Variants in CD47 observed in about 807,000 individuals in gnomAD.
The protein encoded by CD47 is leukocyte surface antigen CD47.
In CD47, 11 loss-of-function variants were observed where a neutral mutation model predicts 44.6. The ratio of observed to expected loss-of-function variants is 0.25; its 90% CI spans 0.16 to 0.41. CD47 has a LOEUF of 0.41. CD47 is among the 10% of genes least tolerant of loss of function. CD47 has a pLI of 1.00. For missense variants in CD47, 306 were observed against 386.7 expected (o/e 0.79, Z 1.75); for synonymous variants, 140 against 136.3 (o/e 1.03, Z -0.19).
Position 108,060,836 on chromosome 3 carries a change from G to A in CD47, c.507C>T (p.Ser169=), listed in dbSNP as rs746135896. The change falls in exon 4 of 11, where the codon TCC becomes TCT. Residue 169 remains serine, a synonymous_variant. Transcript: ENST00000361309. ...CAATTGTTTTCTCATCCATACCACC[G>A]GATCTATATTTAAGTGCTTAAAAAA... ...QFGIKTLKYR[S]GGMDEKTIAL... is the part of the protein sequence containing the mutation. 1.4e-5 allele frequency: 23 copies of A among 1,608,942 alleles called. No individual in the cohort carries two copies. Among genetic ancestry groups the A allele is most frequent in the Admixed American group, 6.7e-5 (4 of 59,952 alleles).
At position 108,049,613 on chromosome 3, in the gene CD47, A is replaced by G. The variant is rs2078787950; in HGVS notation, c.967+6T>C. The G allele has an allele frequency of 6.4e-7, 1 of 1,556,584 alleles. No homozygotes were observed. Among genetic ancestry groups the G allele is most frequent in the East Asian group, 2.2e-5 (1 of 44,608 alleles). On this transcript the variant is annotated splice_donor_region_variant and intron_variant, in intron 10 of 10. Coordinates refer to ENST00000361309, the MANE Select transcript of CD47 (RefSeq NM_001777.4). The stretch of plus-strand genomic sequence containing the variant: ...TCTATAATTATTAAGTGCATTTTAT[A>G]CTTACCATCATTCATCATTCCTTTT...
At chr3:108,058,565 G>A (rs2078957446) in intron 5 of CD47, 136 bp from the exon 6 acceptor site, 3 of 552,314 alleles carry the variant, frequency 5.4e-6, no homozygotes, top group Admixed American at 3.7e-5. Flanking sequence ...GACGGTAGAT[G>A]TTAACTCAGT....
chr3:108,062,843 A>C, intron 3 of CD47, among the ~76,000 whole-genome samples: 1 of 144,376 alleles, frequency 6.9e-6, no homozygotes, highest in East Asian at 2.0e-4. Context: ...TTTAGTAGAG[A>C]CGGGGTTTCA....
At chr3:108,068,867 T>C (rs965955386) in intron 3 of CD47, among the ~76,000 whole-genome samples, 1 of 152,156 alleles carries the variant, frequency 6.6e-6, no homozygotes, top group Non-Finnish European at 1.5e-5. Context: ...ACCTCTTCCA[T>C]GCACATACAC....
chr3:108,082,599 A>T (rs2079439682), intron 1 of CD47, among the ~76,000 whole-genome samples: 2 of 152,100 alleles, frequency 1.3e-5, no homozygotes, highest in East Asian at 3.9e-4. Flanking sequence ...TTGACTTTCA[A>T]GAGATTATTC....
intron 6 of CD47, among the ~76,000 whole-genome samples, chr3:108,057,994 T>G (rs898458488): frequency 2.0e-5 from 3 of 152,202 alleles, no homozygotes; most frequent in African/African-American, 2.4e-5. Context: ...TGCTAAATGC[T>G]GTCAAGTATA....
In CD47 at chr3:108,046,554, G is replaced by C. The variant is rs943587723; in HGVS notation, c.*734C>G. ...TGTACAGCAGAAGCAAGTAACAGGA[G>C]GACAAGACAGGGTTTCAAGGGGTTA... On this transcript the variant is annotated 3_prime_UTR_variant, in exon 11 of 11. Transcript: ENST00000361309. 2 of 152,498 alleles carry C rather than the reference G, an allele frequency of 1.3e-5. No individual in the cohort carries two copies. The highest frequency in any genetic ancestry group is 2.9e-5 in the Non-Finnish European group (2 of 68,024). 9.4% of individuals were successfully genotyped at this position (152,498 alleles called of 1,614,324 possible).
intron 1 of CD47, among the ~76,000 whole-genome samples, chr3:108,084,796 G>A (rs920861734): frequency 1.3e-5 from 2 of 151,972 alleles, no homozygotes; most frequent in Non-Finnish European, 2.9e-5. Context: ...ATTCTTAGTA[G>A]GTTCAACCTA....
chr3:108,069,961 T>C (rs1016143582), intron 3 of CD47, among the ~76,000 whole-genome samples: 1 of 152,202 alleles, frequency 6.6e-6, no homozygotes, highest in South Asian at 2.1e-4. Context: ...GTAAAAGTTA[T>C]AAAATGTCTT....
chr3:108,087,413 G>A (rs1163494520), intron 1 of CD47, among the ~76,000 whole-genome samples: 1 of 152,146 alleles, frequency 6.6e-6, no homozygotes, highest in African/African-American at 2.4e-5. Context: ...GGGCAGGGCA[G>A]TTTAAAGTCA....
intron 1 of CD47, among the ~76,000 whole-genome samples, chr3:108,087,405 G>A (rs918648778): frequency 1.3e-4 from 20 of 152,102 alleles, no homozygotes; most frequent in African/African-American, 4.8e-4. Context: ...ATTAAAAAGG[G>A]CAGGGCAGTT....
chr3:108,085,535 A>T (rs1252027895), intron 1 of CD47, among the ~76,000 whole-genome samples: 1 of 152,162 alleles, frequency 6.6e-6, no homozygotes, highest in Admixed American at 6.5e-5. Context: ...ACTAAAGCAC[A>T]GTTGAGTTGT....
Position 108,043,381 on chromosome 3 carries a change from C to A in CD47, c.*3907G>T, listed in dbSNP as rs1240200320. On this transcript the variant is annotated 3_prime_UTR_variant, in exon 11 of 11. Transcript: ENST00000361309. ...ATGTTTTTTTTTAAATAAAAAAGTA[C>A]CTTGGCAAAGATTGCAGATATTCAA... 1 of 150,860 alleles carries A rather than the reference C, an allele frequency of 6.6e-6. No individual in the cohort carries two copies. The allele number at this position is 150,860 out of a possible 1,614,324, so 9.3% of individuals were successfully genotyped here. A position where few individuals can be genotyped will look rare whatever the true frequency, so the allele number is the denominator to read the frequency against.
At chr3:108,069,511 GTTTTTT>G (rs71299349) in intron 3 of CD47, among the ~76,000 whole-genome samples, 1 of 140,478 alleles carries the variant, frequency 7.1e-6, no homozygotes, top group South Asian at 2.3e-4. Flanking sequence ...CTACAGATGA[GTTTTTT>G]TTTTTTTTTT....
In CD47 at chr3:108,073,079, C is replaced by G. The variant is rs1399713289; in HGVS notation, c.401-1897G>C. Among the ~76,000 whole-genome samples the G allele has an allele frequency of 3.3e-5, 5 of 150,384 alleles. No homozygotes were observed. The Admixed American group carries it at 3.3e-4, about 10-fold the overall frequency. The stretch of plus-strand genomic sequence containing the variant: ...TCTTCAGTTGCTTGAGGCTGAAAAC[C>G]TTGGAGTTATACCTGACTCCCTGAT... On this transcript the variant is annotated intron_variant, in intron 2 of 10. Coordinates refer to ENST00000361309, the MANE Select transcript of CD47 (RefSeq NM_001777.4).
At chr3:108,085,109 C>A (rs994749524) in intron 1 of CD47, among the ~76,000 whole-genome samples, 2 of 152,092 alleles carry the variant, frequency 1.3e-5, no homozygotes, top group African/African-American at 4.8e-5. Flanking sequence ...CCTGTACTCC[C>A]TCATTTCCAC....
chr3:108,074,265 T>A (rs1434055568), intron 2 of CD47, among the ~76,000 whole-genome samples: 2 of 152,152 alleles, frequency 1.3e-5, no homozygotes, highest in East Asian at 3.9e-4. Flanking sequence ...ATGAGACATT[T>A]CAATGACAGA....
chr3:108,049,677 G>T (rs779260202), intron 9 of CD47, 26 bp from the exon 10 acceptor site: 1 of 1,581,264 alleles, frequency 6.3e-7, no homozygotes, highest in Non-Finnish European at 8.7e-7. Context: ...AGCCAAGCAG[G>T]CAGTTAGTGA....
chr3:108,085,785 T>C (rs1484724994), intron 1 of CD47, among the ~76,000 whole-genome samples: 3 of 152,128 alleles, frequency 2.0e-5, no homozygotes, highest in Non-Finnish European at 4.4e-5. Context: ...AAGTTTAAAG[T>C]ATAAATTCCA....
Sources: gnomAD v4.1 joint callset for allele counts (sites outside exome capture counted in the v4.1 genomes callset) on GRCh38, gnomAD v4.1.1 for gene constraint, MANE v1.5 for transcripts, NCBI Gene and HGNC (gene_info 2026-07-23, HGNC 2026-07-21) for gene names.